Variants in LRBA observed in about 807,000 individuals in gnomAD.
LRBA encodes the protein LPS responsive beige-like anchor protein, also known as lipopolysaccharide-responsive and beige-like anchor protein.
Under a neutral mutation model 330.0 loss-of-function variants are expected in LRBA, and 176 were observed. That is an observed-to-expected ratio of 0.53 (90% CI 0.47 to 0.60). The LOEUF (loss-of-function observed/expected upper bound fraction) is 0.60, where lower values mean the gene tolerates loss of function less well. Among genes scored for constraint, LRBA ranks in the 20% least tolerant of loss-of-function variants. LRBA has a pLI of 0.00. For missense variants in LRBA, 3,259 were observed against 3,444.8 expected (o/e 0.95, Z 1.35); for synonymous variants, 1,230 against 1,193.0 (o/e 1.03, Z -0.64).
chr4:150,730,411 A>G (rs1282734454), intron 36 of LRBA, among the ~76,000 whole-genome samples: 1 of 152,190 alleles, frequency 6.6e-6, no homozygotes, highest in Non-Finnish European at 1.5e-5. Context: ...GGCCGGGTGC[A>G]GTGGCTCATG....
At chr4:150,691,604 T>C (rs770918559) in intron 36 of LRBA, among the ~76,000 whole-genome samples, 8 of 152,216 alleles carry the variant, frequency 5.3e-5, no homozygotes, top group Non-Finnish European at 1.0e-4. Context: ...GGTGGTTGAA[T>C]TGTAAAGTCG....
intron 2 of LRBA, among the ~76,000 whole-genome samples, chr4:150,963,517 C>T (rs1255045162): frequency 6.7e-6 from 1 of 149,450 alleles, no homozygotes; most frequent in African/African-American, 2.6e-5. Context: ...AGTGCAGTGG[C>T]GTGATCTCGA....
intron 36 of LRBA, among the ~76,000 whole-genome samples, chr4:150,708,789 A>C (rs1443676322): frequency 6.6e-6 from 1 of 151,898 alleles, no homozygotes; most frequent in Admixed American, 6.6e-5. Flanking sequence ...AGAATTAAAA[A>C]GGCTATATAA....
chr4:150,895,868 C>A (rs187150648), intron 16 of LRBA, among the ~76,000 whole-genome samples: 18 of 152,290 alleles, frequency 1.2e-4, no homozygotes, highest in African/African-American at 3.4e-4. Flanking sequence ...CACCGACTTC[C>A]ACAATGGTTG....
chr4:150,570,488 G>GCAA (rs1769702684), intron 40 of LRBA, among the ~76,000 whole-genome samples: 1 of 152,076 alleles, frequency 6.6e-6, no homozygotes, highest in Admixed American at 6.6e-5. Context: ...GACAAGCATT[G>GCAA]CAAATGCCCT....
chr4:150,937,753 G>A (rs919348278), intron 2 of LRBA, among the ~76,000 whole-genome samples: 4 of 151,920 alleles, frequency 2.6e-5, no homozygotes, highest in Non-Finnish European at 5.9e-5. Flanking sequence ...CAACTTATTC[G>A]AAGAATTCAA....
chr4:150,843,771 G>A (rs770987767), intron 28 of LRBA, among the ~76,000 whole-genome samples: 2 of 152,106 alleles, frequency 1.3e-5, no homozygotes, highest in African/African-American at 4.8e-5. Flanking sequence ...ATGTGCCTTA[G>A]ATTATTCATC....
At chr4:150,389,013 T>C (rs1453147746) in intron 47 of LRBA, among the ~76,000 whole-genome samples, 1 of 152,144 alleles carries the variant, frequency 6.6e-6, no homozygotes, top group Non-Finnish European at 1.5e-5. Context: ...ACTATAATTA[T>C]TGAATGAAGA....
chr4:150,410,096 T>A (rs1162000250), intron 47 of LRBA, among the ~76,000 whole-genome samples: 2 of 151,270 alleles, frequency 1.3e-5, no homozygotes, highest in Admixed American at 1.3e-4. Flanking sequence ...TTCCAAAAAT[T>A]TTTTTTTTTA....
chr4:150,924,576 G>A (rs960956426), intron 4 of LRBA, among the ~76,000 whole-genome samples: 5 of 152,074 alleles, frequency 3.3e-5, no homozygotes, highest in Non-Finnish European at 4.4e-5. Context: ...CCGTAAAGAC[G>A]TTCATGTCCA....
intron 37 of LRBA, among the ~76,000 whole-genome samples, chr4:150,638,318 C>G (rs990914323): frequency 2.0e-5 from 3 of 152,178 alleles, no homozygotes; most frequent in Non-Finnish European, 2.9e-5. Context: ...TAAGCCACCA[C>G]GCCCGGCCAA....
Position 150,284,542 on chromosome 4 carries a change from AATT to A in LRBA, c.8119+1388_8119+1390del, listed in dbSNP as rs1747918111. On this transcript the variant is annotated intron_variant, in intron 54 of 56. Coordinates refer to ENST00000651943, the MANE Select transcript of LRBA (RefSeq NM_001364905.1). Reference sequence around the variant, plus strand: ...GTATGAGTTTTTAATGTTTTGACAAAATTATTCTTAGAGACAGGGTTTTGCTGT... The same window carrying A: ...GTATGAGTTTTTAATGTTTTGACAAAATTCTTAGAGACAGGGTTTTGCTGT... Among the ~76,000 whole-genome samples, 6 of 152,010 alleles carry A rather than the reference AATT, an allele frequency of 3.9e-5. No homozygotes were observed. The South Asian group carries it at 1.2e-3, about 32-fold the overall frequency.
intron 28 of LRBA, chr4:150,840,894 T>A: frequency 1.9e-6 from 2 of 1,052,270 alleles, no homozygotes; most frequent in Non-Finnish European, 2.4e-6. Context: ...TAATTGTTAA[T>A]ACTTAATGTC....
intron 29 of LRBA, among the ~76,000 whole-genome samples, chr4:150,830,429 T>G (rs750997713): frequency 3.3e-5 from 5 of 152,168 alleles, no homozygotes; most frequent in Non-Finnish European, 5.9e-5. Flanking sequence ...TGAGAACAAG[T>G]ATCAAGGCTG....
intron 2 of LRBA, among the ~76,000 whole-genome samples, chr4:151,009,851 G>A (rs1166208418): frequency 7.3e-5 from 11 of 151,054 alleles, no homozygotes; most frequent in Non-Finnish European, 1.0e-4. Flanking sequence ...GTGGTGGCAC[G>A]TGCCTGTAGT....
At position 150,265,630 on chromosome 4, in the gene LRBA, A is replaced by C; in HGVS notation, c.*92T>G. On this transcript the variant is annotated 3_prime_UTR_variant, in exon 57 of 57. Coordinates refer to ENST00000651943, the MANE Select transcript of LRBA (RefSeq NM_001364905.1). ...AAAAAATATTTTGCTTCTTTGAGCA[A>C]ATTTAAGTTACATTCAGATGTGGTA... 1 of 853,272 alleles carries C rather than the reference A, an allele frequency of 1.2e-6. No homozygotes were observed. Among genetic ancestry groups the C allele is most frequent in the Non-Finnish European group, 2.0e-6 (1 of 512,682 alleles). 52.9% of individuals were successfully genotyped at this position (853,272 alleles called of 1,614,324 possible).
At chr4:150,532,158 C>G (rs536142342) in intron 40 of LRBA, among the ~76,000 whole-genome samples, 1 of 152,258 alleles carries the variant, frequency 6.6e-6, no homozygotes, top group South Asian at 2.1e-4. Flanking sequence ...ATCTCGTCAC[C>G]TTATCTTTTA....
At chr4:150,463,705 G>C (rs1431995365) in intron 44 of LRBA, among the ~76,000 whole-genome samples, 1 of 151,928 alleles carries the variant, frequency 6.6e-6, no homozygotes, top group Non-Finnish European at 1.5e-5. Flanking sequence ...CTTAGGTACA[G>C]CTGTAATATA....
At chr4:150,525,349 C>G (rs1293718129) in intron 40 of LRBA, among the ~76,000 whole-genome samples, 1 of 151,294 alleles carries the variant, frequency 6.6e-6, no homozygotes, top group African/African-American at 2.4e-5. Context: ...TTTCATAGCC[C>G]AAAAGATTCA....
Sources: gnomAD v4.1 joint callset for allele counts (sites outside exome capture counted in the v4.1 genomes callset) on GRCh38, gnomAD v4.1.1 for gene constraint, MANE v1.5 for transcripts, NCBI Gene and HGNC (gene_info 2026-07-23, HGNC 2026-07-21) for gene names.